Variants in FRMPD4 observed in about 807,000 individuals in gnomAD.
The protein encoded by FRMPD4 is FERM and PDZ domain-containing protein 4.
In FRMPD4, 22 loss-of-function variants were observed where a neutral mutation model predicts 94.1. The observed-to-expected ratio is 0.23, with a 90% CI of 0.17 to 0.33. The LOEUF (loss-of-function observed/expected upper bound fraction) is 0.33, where lower values mean the gene tolerates loss of function less well. Ranked by LOEUF, FRMPD4 falls within the 10% of genes least tolerant of loss-of-function variation. FRMPD4 has a pLI of 1.00. For synonymous variants in FRMPD4, 631 were observed against 548.6 expected, an observed-to-expected ratio of 1.15 and a Z score of -2.10; for missense variants, 1,111 against 1,339.9, an observed-to-expected ratio of 0.83 and a Z score of 2.67.
intron 2 of FRMPD4, among the ~76,000 whole-genome samples, chrX:12,606,486 G>T (rs1415597644): frequency 8.9e-6 from 1 of 111,759 alleles, no homozygotes; most frequent in Non-Finnish European, 1.9e-5. Flanking sequence ...CTCCCTGAGT[G>T]ATTCTAATGT....
At chrX:12,296,488 G>A (rs1244449616) in intron 1 of FRMPD4, among the ~76,000 whole-genome samples, 4 of 111,671 alleles carry the variant, frequency 3.6e-5, no homozygotes, top group African/African-American at 1.3e-4. Context: ...CATGCCCCAG[G>A]GTTGGCTGTG....
chrX:12,188,435 T>C (rs1359558301), intron 1 of FRMPD4, among the ~76,000 whole-genome samples: 1 of 111,756 alleles, frequency 8.9e-6, no homozygotes, highest in African/African-American at 3.2e-5. Context: ...CACAGCACTG[T>C]ATATGTCATT....
chrX:12,271,286 C>T (rs2054351578), intron 1 of FRMPD4, among the ~76,000 whole-genome samples: 1 of 112,193 alleles, frequency 8.9e-6, no homozygotes, highest in South Asian at 3.7e-4. Flanking sequence ...TAAACATACT[C>T]ATGTAACCAA....
chrX:12,205,573 C>G (rs1469629556), intron 1 of FRMPD4, among the ~76,000 whole-genome samples: 1 of 111,684 alleles, frequency 9.0e-6, no homozygotes, highest in African/African-American at 3.2e-5. Context: ...TTTCTGTATA[C>G]TCTCAGAGTG....
chrX:12,663,461 C>T (rs772880751), intron 4 of FRMPD4, among the ~76,000 whole-genome samples: 2 of 112,134 alleles, frequency 1.8e-5, no homozygotes, highest in Non-Finnish European at 3.8e-5. Context: ...ATCCTTTCCC[C>T]ATTGCTTGTT....
Position 11,860,158 on chromosome X carries a change from A to G in FRMPD4, c.-160-4928A>G, listed in dbSNP as rs191600911. ...AGCTCAAATATACAGTAATAGGCAT[A>G]TATTTAGAAAAGAATCACTTATCAA... On this transcript the variant is annotated intron_variant, in intron 1 of 18. Transcript: ENST00000640291. Among the ~76,000 whole-genome samples the G allele has an allele frequency of 1.3e-3, 152 of 112,835 alleles. 1 individual carries two copies. The East Asian group carries it at 0.034, about 25-fold the overall frequency.
At chrX:12,599,062 TA>T (rs1462139264) in intron 2 of FRMPD4, among the ~76,000 whole-genome samples, 1 of 111,375 alleles carries the variant, frequency 9.0e-6, no homozygotes, top group East Asian at 2.8e-4. Flanking sequence ...TTTCCGAGTA[TA>T]AAATTATAAC....
In FRMPD4 at chrX:12,243,556, G is replaced by A. The variant is rs528970204; in HGVS notation, c.41+104544G>A. Among the ~76,000 whole-genome samples the A allele has an allele frequency of 1.4e-4, 15 of 110,986 alleles. No individual in the cohort carries two copies. The South Asian group carries it at 5.8e-3, about 43-fold the overall frequency. On this transcript the variant is annotated intron_variant, in intron 1 of 16. Coordinates refer to ENST00000675598, the MANE Select transcript of FRMPD4 (RefSeq NM_001368397.1). ...ATTTGGAAGGTGAGAGTAAAGTTTCGGGGCATCTCTATAAGATTGCTTTTA... is the reference window on the plus strand; with the variant it reads ...ATTTGGAAGGTGAGAGTAAAGTTTCAGGGCATCTCTATAAGATTGCTTTTA...
intron 4 of FRMPD4, among the ~76,000 whole-genome samples, chrX:12,648,259 C>G (rs2059566107): frequency 8.9e-6 from 1 of 111,890 alleles, no homozygotes; most frequent in African/African-American, 3.3e-5. Context: ...AAGCCACTCA[C>G]CACTCATCTT....
chrX:12,053,402 GAA>G (rs1254894045), intron 3 of FRMPD4, among the ~76,000 whole-genome samples: 70 of 91,220 alleles, frequency 7.7e-4, no homozygotes, highest in Admixed American at 1.5e-3. Flanking sequence ...AAGAAAGAAA[GAA>G]AGAAAGAAAG....
intron 3 of FRMPD4, among the ~76,000 whole-genome samples, chrX:11,955,018 G>A (rs139517860): frequency 3.8e-4 from 42 of 111,364 alleles, no homozygotes; most frequent in African/African-American, 1.2e-3. Context: ...TCACAGTACT[G>A]GAGACTGAAA....
At chrX:12,089,513 T>C (rs2055137268) in intron 3 of FRMPD4, among the ~76,000 whole-genome samples, 1 of 112,155 alleles carries the variant, frequency 8.9e-6, no homozygotes, top group South Asian at 3.7e-4. Context: ...TGTACTGATA[T>C]CAGCACCAGG....
At chrX:12,400,058 T>C (rs769371913) in intron 1 of FRMPD4, among the ~76,000 whole-genome samples, 26 of 111,386 alleles carry the variant, frequency 2.3e-4, no homozygotes, top group African/African-American at 7.2e-4. Context: ...TCAATGCAAA[T>C]ATTTGCACTT....
chrX:12,424,567 T>C (rs2056924141), intron 1 of FRMPD4, among the ~76,000 whole-genome samples: 1 of 112,310 alleles, frequency 8.9e-6, no homozygotes, highest in Admixed American at 9.4e-5. Flanking sequence ...ATACAGACTC[T>C]GATCAGATAG....
intron 3 of FRMPD4, among the ~76,000 whole-genome samples, chrX:12,056,744 A>T (rs997187964): frequency 8.9e-6 from 1 of 112,096 alleles, no homozygotes; most frequent in African/African-American, 3.2e-5. Context: ...CCACATCAGT[A>T]CATGCTGGCA....
intron 3 of FRMPD4, among the ~76,000 whole-genome samples, chrX:11,902,900 T>C (rs2053946070): frequency 8.9e-6 from 1 of 111,925 alleles, no homozygotes; most frequent in South Asian, 3.8e-4. Context: ...GGAGTGATGA[T>C]GGAGGCTAGG....
chrX:12,663,409 T>A (rs965162441), intron 4 of FRMPD4, among the ~76,000 whole-genome samples: 1 of 112,108 alleles, frequency 8.9e-6, no homozygotes, highest in South Asian at 3.7e-4. Context: ...GTTTTTTGCA[T>A]ATGGCTAGCC....
intron 3 of FRMPD4, among the ~76,000 whole-genome samples, chrX:12,039,043 C>T (rs181479414): frequency 1.6e-3 from 172 of 109,324 alleles, no homozygotes; most frequent in Middle Eastern, 0.014. Context: ...GTGACATGAT[C>T]AGAGTGGTGC....
At chrX:12,169,119 T>A (rs954597326) in intron 1 of FRMPD4, among the ~76,000 whole-genome samples, 1 of 112,136 alleles carries the variant, frequency 8.9e-6, no homozygotes, top group African/African-American at 3.2e-5. Context: ...GCTAGACATA[T>A]GTATATGTGA....
Sources: allele counts gnomAD v4.1 joint callset (sites outside exome capture counted in the v4.1 genomes callset), GRCh38; gene constraint gnomAD v4.1.1; transcripts MANE v1.5; gene names NCBI Gene and HGNC (gene_info 2026-07-23, HGNC 2026-07-21).